Variants in PTPRN2 observed in about 807,000 individuals in gnomAD.
PTPRN2 encodes receptor-type tyrosine-protein phosphatase N2.
PTPRN2 carries 74 observed loss-of-function variants against 118.8 expected under a neutral mutation model. The observed-to-expected ratio is 0.62, with a 90% CI of 0.52 to 0.76. The LOEUF (loss-of-function observed/expected upper bound fraction) is 0.76, where lower values mean the gene tolerates loss of function less well. Among genes scored for constraint, PTPRN2 ranks in the 30% least tolerant of loss-of-function variants. The pLI, the probability that PTPRN2 is intolerant of heterozygous loss-of-function variation, is 0.00. For synonymous variants in PTPRN2, 641 were observed against 608.0 expected, an observed-to-expected ratio of 1.05 and a Z score of -0.80; for missense variants, 1,481 against 1,394.4, an observed-to-expected ratio of 1.06 and a Z score of -0.99.
intron 14 of PTPRN2, among the ~76,000 whole-genome samples, chr7:157,642,717 A>G (rs1804749953): frequency 6.7e-6 from 1 of 149,384 alleles, no homozygotes. Context: ...TGGTTACCCA[A>G]TTTAATTCAA....
intron 12 of PTPRN2, among the ~76,000 whole-genome samples, chr7:157,767,117 G>T (rs1340422720): frequency 2.0e-5 from 3 of 152,186 alleles, no homozygotes; most frequent in African/African-American, 7.2e-5. Flanking sequence ...TTCAAATCCT[G>T]GCACTTGCAG....
At chr7:158,505,036 T>G (rs1048432706) in intron 1 of PTPRN2, among the ~76,000 whole-genome samples, 1 of 152,212 alleles carries the variant, frequency 6.6e-6, no homozygotes, top group Non-Finnish European at 1.5e-5. Context: ...ATGCAAACTA[T>G]GTTCCCCTCC....
At position 157,884,729 on chromosome 7, in the gene PTPRN2, T is replaced by G. The variant is rs1036655944; in HGVS notation, c.1788+13944A>C. ...GCCCTTTATAAACCATCAGATCTCA[T>G]GAGACTCATTGACTGTCACGAGAAC... On this transcript the variant is annotated intron_variant, in intron 12 of 22. Coordinates refer to ENST00000389418, the MANE Select transcript of PTPRN2 (RefSeq NM_002847.5). Among the ~76,000 whole-genome samples the G allele has an allele frequency of 7.2e-5, 11 of 152,184 alleles. No individual in the cohort carries two copies. In the East Asian group the frequency reaches 1.3e-3, roughly 19 times the overall value.
At chr7:157,842,627 C>A (rs1019620159) in intron 12 of PTPRN2, among the ~76,000 whole-genome samples, 1 of 152,102 alleles carries the variant, frequency 6.6e-6, no homozygotes, top group South Asian at 2.1e-4. Context: ...GTCGGTCAGG[C>A]TGGTTTCGAA....
chr7:158,378,479 G>A lies in PTPRN2; in HGVS notation c.164-61547C>T, dbSNP rs1047154469. On this transcript the variant is annotated intron_variant, in intron 2 of 22. Coordinates refer to ENST00000389418, the MANE Select transcript of PTPRN2 (RefSeq NM_002847.5). The stretch of plus-strand genomic sequence containing the variant: ...TCATGGTGACCACACGCCTGCATCC[G>A]AGGATGACTTCAGCCCCCTGTCCTC... 3.3e-5 allele frequency among the ~76,000 whole-genome samples: 5 copies of A among 152,306 alleles called. No homozygotes were observed. In the South Asian group the frequency reaches 6.2e-4, roughly 19 times the overall value.
rs1804181136 is a variant in PTPRN2 at position 157,990,616 on chromosome 7, C to T, written c.1723+90682G>A. Among the ~76,000 whole-genome samples, 1 of 152,134 alleles carries T rather than the reference C, an allele frequency of 6.6e-6. No individual in the cohort carries two copies. The highest frequency in any genetic ancestry group is 1.5e-5 in the Non-Finnish European group (1 of 68,030). ...TGGGGGAGCAGGGCAGGCTGGGGGTCAGGGCTCAGGGCGGTGCTGACAGTA... is the reference window on the plus strand; with the variant it reads ...TGGGGGAGCAGGGCAGGCTGGGGGTTAGGGCTCAGGGCGGTGCTGACAGTA... On this transcript the variant is annotated intron_variant, in intron 11 of 22. Coordinates refer to ENST00000389418, the MANE Select transcript of PTPRN2 (RefSeq NM_002847.5). This position sits in a 1 kb window ranked among gnomAD's most constrained non-coding sequence, Gnocchi z 4.3.
At chr7:158,380,716 C>G (rs551609402) in intron 2 of PTPRN2, among the ~76,000 whole-genome samples, 30 of 152,356 alleles carry the variant, frequency 2.0e-4, no homozygotes, top group African/African-American at 6.5e-4. Context: ...ACTCTGTGTG[C>G]AGGTTCCAAC....
Position 157,632,004 on chromosome 7 carries a change from A to G in PTPRN2, c.2197-10495T>C, listed in dbSNP as rs958446140. Among the ~76,000 whole-genome samples, 32 of 152,194 alleles carry G rather than the reference A, an allele frequency of 2.1e-4. No individual in the cohort carries two copies. Among genetic ancestry groups the G allele is most frequent in the Non-Finnish European group, 1.6e-4 (11 of 68,036 alleles). On this transcript the variant is annotated intron_variant, in intron 14 of 22. Coordinates refer to ENST00000389418, the MANE Select transcript of PTPRN2 (RefSeq NM_002847.5). This position sits in a 1 kb window ranked among gnomAD's most constrained non-coding sequence, Gnocchi z 4.3. ...GACCTTACGTACTTTCCGAAGAGCA[A>G]AGGGAAAGGAAGGTTAACTCTTTGC... is the stretch of plus-strand genomic sequence containing the variant.
Position 158,188,705 on chromosome 7 carries a change from G to A in PTPRN2, c.549+3622C>T, listed in dbSNP as rs73516592. On this transcript the variant is annotated intron_variant, in intron 5 of 22. Coordinates refer to ENST00000389418, the MANE Select transcript of PTPRN2 (RefSeq NM_002847.5). The stretch of plus-strand genomic sequence containing the variant: ...CTGTACTGGAAAGGCCGCCACGCCC[G>A]CCCCCTGTAGGGGGAAGGCCGCCAC... Among the ~76,000 whole-genome samples the A allele has an allele frequency of 8.1e-4, 96 of 118,720 alleles. 2 individuals carry two copies. In the South Asian group the frequency reaches 0.016, roughly 20 times the overall value. 77.9% of individuals were successfully genotyped at this position (118,720 alleles called of 152,430 possible).
At chr7:158,154,838 A>G (rs903023989) in intron 6 of PTPRN2, among the ~76,000 whole-genome samples, 3 of 152,222 alleles carry the variant, frequency 2.0e-5, no homozygotes, top group Non-Finnish European at 4.4e-5. Context: ...ATCCCCTCCC[A>G]TGTAACCTCT....
At chr7:157,658,144 G>A (rs1023224206) in intron 13 of PTPRN2, among the ~76,000 whole-genome samples, 23 of 151,580 alleles carry the variant, frequency 1.5e-4, no homozygotes, top group African/African-American at 2.7e-4. Context: ...AGTAGCCTTC[G>A]TTGGGTGGCT....
At chr7:158,446,009 C>A (rs926576612) in intron 2 of PTPRN2, among the ~76,000 whole-genome samples, 1 of 152,126 alleles carries the variant, frequency 6.6e-6, no homozygotes, top group Non-Finnish European at 1.5e-5. Context: ...GGTGAGCCTT[C>A]GGACCACCCC....
At chr7:157,604,886 C>T (rs1184227241) in intron 15 of PTPRN2, among the ~76,000 whole-genome samples, 1 of 152,222 alleles carries the variant, frequency 6.6e-6, no homozygotes, top group Non-Finnish European at 1.5e-5. Context: ...CTCCTCTTTG[C>T]TCTGTTTTTA....
chr7:158,584,534 C>T (rs1459963286), intron 1 of PTPRN2, among the ~76,000 whole-genome samples: 1 of 152,146 alleles, frequency 6.6e-6, no homozygotes, highest in Non-Finnish European at 1.5e-5. Flanking sequence ...AGAAAGGATG[C>T]CATGTTCCCC....
At chr7:158,531,067 CACAA>C (rs1563403014) in intron 1 of PTPRN2, among the ~76,000 whole-genome samples, 3 of 152,064 alleles carry the variant, frequency 2.0e-5, no homozygotes, top group Admixed American at 6.5e-5. Flanking sequence ...AGCATGTGCA[CACAA>C]ACAAAAACAA....
chr7:157,696,018 G>A (rs2707929), intron 12 of PTPRN2, among the ~76,000 whole-genome samples: 9 of 125,664 alleles, frequency 7.2e-5, no homozygotes, highest in East Asian at 2.5e-4. Flanking sequence ...ACTGGGTCTT[G>A]GCAGAGCCCT....
intron 12 of PTPRN2, among the ~76,000 whole-genome samples, chr7:157,712,351 A>T (rs1563027178): frequency 6.6e-6 from 1 of 152,224 alleles, no homozygotes; most frequent in Non-Finnish European, 1.5e-5. Context: ...CCAGGACCTC[A>T]GCATGTTATG....
At chr7:157,947,714 A>G (rs1028646718) in intron 11 of PTPRN2, among the ~76,000 whole-genome samples, 2 of 152,210 alleles carry the variant, frequency 1.3e-5, no homozygotes, top group Non-Finnish European at 2.9e-5. Context: ...AAGAAGCTCA[A>G]CTAACTCCAA....
chr7:157,792,806 C>A (rs77402482), intron 12 of PTPRN2, among the ~76,000 whole-genome samples: 2,978 of 152,248 alleles, frequency 0.02, 86 homozygotes, highest in South Asian at 0.13. Context: ...GGCTTGGGTA[C>A]TTCTTATTCA....
Sources: allele counts gnomAD v4.1 joint callset (sites outside exome capture counted in the v4.1 genomes callset), GRCh38; gene constraint gnomAD v4.1.1; non-coding constraint Gnocchi (gnomAD v3.1); transcripts MANE v1.5; gene names NCBI Gene and HGNC (gene_info 2026-07-23, HGNC 2026-07-21).